The following RAB38 variants were observed in gnomAD, a reference collection of about 807,000 sequenced individuals.
The protein encoded by RAB38 is RAB38, member RAS oncogene family.
Under a neutral mutation model 18.4 loss-of-function variants are expected in RAB38, and 15 were observed. That is an observed-to-expected ratio of 0.82 (90% CI 0.55 to 1.26). The LOEUF (loss-of-function observed/expected upper bound fraction) is 1.26. Among genes scored for constraint, RAB38 ranks in the 50% most tolerant of loss-of-function variants. The pLI is 0.00. For missense variants in RAB38, 294 were observed against 267.4 expected (o/e 1.10, Z -0.69); for synonymous variants, 101 against 104.4 (o/e 0.97, Z 0.20).
At chr11:87,977,657 A>G in the RAB38 span, among the ~76,000 whole-genome samples, 2 of 117,904 alleles carry the variant, frequency 1.7e-5, no homozygotes, top group Non-Finnish European at 3.2e-5. Flanking sequence ...ATTATACAGT[A>G]TATAACTATA....
At chr11:88,133,401 G>A (rs1282087779) in intron 2 of RAB38, among the ~76,000 whole-genome samples, 1 of 152,158 alleles carries the variant, frequency 6.6e-6, no homozygotes, top group Non-Finnish European at 1.5e-5. Context: ...TCTAGATGAT[G>A]AACTCATTTA....
At chr11:87,858,818 C>G in the RAB38 span, among the ~76,000 whole-genome samples, 2 of 151,408 alleles carry the variant, frequency 1.3e-5, no homozygotes, top group African/African-American at 4.9e-5. Context: ...GACGGATTTG[C>G]AGGTATTTAT....
At chr11:88,023,677 G>A in the RAB38 span, among the ~76,000 whole-genome samples, 1 of 152,006 alleles carries the variant, frequency 6.6e-6, no homozygotes. Flanking sequence ...AAACAGCATG[G>A]TCCTGGCTTA....
the RAB38 span, among the ~76,000 whole-genome samples, chr11:88,076,984 GAAAGAAAAGAAAAGA>G: frequency 0.019 from 1,219 of 63,760 alleles, 23 homozygotes; most frequent in African/African-American, 0.031. Flanking sequence ...AAGAAAGAAA[GAAAGAAAAGAAAAGA>G]AAAGAAAAGA....
At chr11:88,026,716 T>C in the RAB38 span, among the ~76,000 whole-genome samples, 3 of 152,064 alleles carry the variant, frequency 2.0e-5, no homozygotes, top group African/African-American at 7.2e-5. Context: ...GTGTTGTTTA[T>C]AGAAGAATGA....
the RAB38 span, among the ~76,000 whole-genome samples, chr11:88,067,021 A>G: frequency 6.6e-6 from 1 of 152,196 alleles, no homozygotes; most frequent in African/African-American, 2.4e-5. Flanking sequence ...AGGTGCCTAA[A>G]GTGTTTAGAA....
At chr11:87,807,005 C>T in the RAB38 span, among the ~76,000 whole-genome samples, 1 of 152,126 alleles carries the variant, frequency 6.6e-6, no homozygotes, top group Non-Finnish European at 1.5e-5. Context: ...TGAGTGAGCA[C>T]CACTGCCTGA....
the RAB38 span, among the ~76,000 whole-genome samples, chr11:88,032,044 G>A: frequency 2.0e-5 from 3 of 150,860 alleles, no homozygotes; most frequent in African/African-American, 7.3e-5. Context: ...ATAGATCAAT[G>A]GAACAGAACA....
chr11:87,835,570 T>C, the RAB38 span, among the ~76,000 whole-genome samples: 1 of 150,992 alleles, frequency 6.6e-6, no homozygotes, highest in Admixed American at 6.6e-5. Flanking sequence ...AAAGAAGTAA[T>C]TAAGTTAAAG....
chr11:87,848,037 T>A, the RAB38 span, among the ~76,000 whole-genome samples: 1 of 152,134 alleles, frequency 6.6e-6, no homozygotes, highest in African/African-American at 2.4e-5. Flanking sequence ...ATTCCCTAGT[T>A]GTGCCATATT....
chr11:88,037,386 C>T, the RAB38 span, among the ~76,000 whole-genome samples: 2 of 151,930 alleles, frequency 1.3e-5, no homozygotes, highest in African/African-American at 4.8e-5. Context: ...TAGTTTTACC[C>T]AAAGAGCCCT....
At chr11:88,039,055 T>C in the RAB38 span, among the ~76,000 whole-genome samples, 2 of 152,156 alleles carry the variant, frequency 1.3e-5, no homozygotes, top group Non-Finnish European at 2.9e-5. Flanking sequence ...GTCAATTTAT[T>C]TGGGAGCATA....
the RAB38 span, among the ~76,000 whole-genome samples, chr11:88,013,346 C>T: frequency 2.6e-5 from 4 of 152,044 alleles, no homozygotes; most frequent in Admixed American, 2.6e-4. Context: ...TTCTTTTGTT[C>T]AGAGTAAGTA....
intron 2 of RAB38, among the ~76,000 whole-genome samples, chr11:88,130,230 T>G (rs1942750056): frequency 6.6e-6 from 1 of 152,064 alleles, no homozygotes; most frequent in Non-Finnish European, 1.5e-5. Context: ...GAAACCCATC[T>G]AAAAGAAGCT....
chr11:87,897,813 T>C, the RAB38 span, among the ~76,000 whole-genome samples: 4 of 151,588 alleles, frequency 2.6e-5, no homozygotes, highest in Admixed American at 6.6e-5. Flanking sequence ...TAGCTTTTCT[T>C]ACTTTCTGAG....
At chr11:87,873,192 G>A in the RAB38 span, among the ~76,000 whole-genome samples, 1 of 151,436 alleles carries the variant, frequency 6.6e-6, no homozygotes, top group Non-Finnish European at 1.5e-5. Context: ...CAATCCCTTA[G>A]TAATATATGA....
the RAB38 span, among the ~76,000 whole-genome samples, chr11:87,821,120 AT>A: frequency 4.9e-4 from 75 of 152,164 alleles, 1 homozygote; most frequent in Middle Eastern, 0.01. Context: ...TCCAATCCAC[AT>A]TTTTTTTAAG....
chr11:87,972,010 T>C, the RAB38 span, among the ~76,000 whole-genome samples: 1 of 152,040 alleles, frequency 6.6e-6, no homozygotes, highest in South Asian at 2.1e-4. Context: ...GTAGACACAT[T>C]AACAGTTGTT....
At chr11:88,025,078 T>C in the RAB38 span, among the ~76,000 whole-genome samples, 11 of 152,068 alleles carry the variant, frequency 7.2e-5, 1 homozygote, top group South Asian at 1.7e-3. Context: ...CAATTTTCCA[T>C]GATGCGATTA....
Sources: allele counts gnomAD v4.1 joint callset (sites outside exome capture counted in the v4.1 genomes callset), GRCh38; gene constraint gnomAD v4.1.1; transcripts MANE v1.5; gene names NCBI Gene and HGNC (gene_info 2026-07-23, HGNC 2026-07-21).